The following MEGF9 variants were observed in gnomAD, a reference collection of about 807,000 sequenced individuals.
MEGF9 encodes the protein multiple epidermal growth factor-like domains protein 9.
MEGF9 carries 6 observed loss-of-function variants against 46.8 expected under a neutral mutation model. That is an observed-to-expected ratio of 0.13 (90% CI 0.07 to 0.25). The LOEUF (loss-of-function observed/expected upper bound fraction) is 0.25, where lower values mean the gene tolerates loss of function less well. Ranked by LOEUF, MEGF9 falls within the 10% of genes least tolerant of loss-of-function variation. MEGF9 has a pLI of 1.00. For synonymous variants in MEGF9, 302 were observed against 330.7 expected (o/e 0.91, Z 0.94); for missense variants, 683 against 792.4 (o/e 0.86, Z 1.66).
At chr9:120,613,700 A>G (rs965780379) in intron 3 of MEGF9, among the ~76,000 whole-genome samples, 7 of 152,170 alleles carry the variant, frequency 4.6e-5, no homozygotes, top group African/African-American at 1.7e-4. Flanking sequence ...CAAAATGAGA[A>G]AGTGTAACAT....
intron 2 of MEGF9, among the ~76,000 whole-genome samples, chr9:120,651,849 C>T (rs1188742165): frequency 2.0e-5 from 3 of 151,526 alleles, no homozygotes; most frequent in African/African-American, 7.3e-5. Context: ...GATGGGGTTT[C>T]ACCATGTTGG....
At chr9:120,680,520 G>A (rs754136003) in intron 1 of MEGF9, among the ~76,000 whole-genome samples, 1 of 152,136 alleles carries the variant, frequency 6.6e-6, no homozygotes, top group African/African-American at 2.4e-5. Context: ...AACTGGGGGT[G>A]TGGTAACGCA....
At chr9:120,677,206 G>A (rs138993197) in intron 1 of MEGF9, among the ~76,000 whole-genome samples, 7 of 152,052 alleles carry the variant, frequency 4.6e-5, no homozygotes, top group Non-Finnish European at 8.8e-5. Context: ...ACAGCTCACC[G>A]CAGCCTCAAC....
intron 1 of MEGF9, among the ~76,000 whole-genome samples, chr9:120,699,689 C>T (rs1023386297): frequency 2.0e-4 from 29 of 143,030 alleles, no homozygotes; most frequent in African/African-American, 7.6e-4. Flanking sequence ...CACTACTGCA[C>T]TCTAACCCGG....
intron 1 of MEGF9, among the ~76,000 whole-genome samples, chr9:120,707,849 C>A (rs371789950): frequency 6.6e-6 from 1 of 152,058 alleles, no homozygotes; most frequent in Non-Finnish European, 1.5e-5. Flanking sequence ...TCAAGACCAG[C>A]CTGACCAACA....
At chr9:120,695,938 A>T (rs889873795) in intron 1 of MEGF9, among the ~76,000 whole-genome samples, 41 of 152,312 alleles carry the variant, frequency 2.7e-4, no homozygotes, top group Non-Finnish European at 5.3e-4. Flanking sequence ...AATCAGATGC[A>T]CCTTTACCTG....
In MEGF9 at chr9:120,605,153, G is replaced by A. The variant is rs150442642; in HGVS notation, c.*37C>T. On this transcript the variant is annotated 3_prime_UTR_variant, in exon 6 of 6. Coordinates refer to ENST00000373930, the MANE Select transcript of MEGF9 (RefSeq NM_001080497.3). The surrounding 1 kb of genome is among the most constrained non-coding windows in gnomAD (Gnocchi z 4.0). ...CCAGGGGCTGACTCTGTCTTAGCAA[G>A]CACTGTGGTTTAACAATTCAGAACA... is the stretch of plus-strand genomic sequence containing the variant. The A allele has an allele frequency of 2.9e-5, 46 of 1,566,232 alleles. No individual in the cohort carries two copies. The African/African-American group carries it at 4.9e-4, about 17-fold the overall frequency.
At chr9:120,652,181 C>CACA (rs1430321372) in intron 2 of MEGF9, among the ~76,000 whole-genome samples, 3 of 9,094 alleles carry the variant, frequency 3.3e-4, no homozygotes, top group African/African-American at 8.1e-4. Flanking sequence ...CACACACACA[C>CACA]AAAAAAAAAA....
At chr9:120,674,311 T>C (rs935313603) in intron 1 of MEGF9, among the ~76,000 whole-genome samples, 2 of 152,114 alleles carry the variant, frequency 1.3e-5, no homozygotes, top group East Asian at 1.9e-4. Flanking sequence ...AATAATGCAA[T>C]TTAAAAATGG....
intron 1 of MEGF9, among the ~76,000 whole-genome samples, chr9:120,690,916 A>G (rs1443922426): frequency 2.6e-5 from 4 of 152,202 alleles, no homozygotes; most frequent in African/African-American, 9.6e-5. Context: ...ACATTTAAAA[A>G]GAAATATAAA....
intron 4 of MEGF9, among the ~76,000 whole-genome samples, chr9:120,609,924 G>A (rs1053166856): frequency 1.2e-4 from 19 of 152,090 alleles, no homozygotes; most frequent in Non-Finnish European, 1.5e-4. Flanking sequence ...ATGGCTTTGA[G>A]ATATAATTTA....
intron 1 of MEGF9, among the ~76,000 whole-genome samples, 183 bp from the exon 2 acceptor site, chr9:120,659,758 A>G (rs183263061): frequency 1.3e-5 from 2 of 151,282 alleles, no homozygotes; most frequent in East Asian, 3.9e-4. Flanking sequence ...AAACATATAG[A>G]GTACATAAAT....
At chr9:120,681,181 C>T (rs1406346758) in intron 1 of MEGF9, among the ~76,000 whole-genome samples, 1 of 151,406 alleles carries the variant, frequency 6.6e-6, no homozygotes, top group African/African-American at 2.4e-5. Context: ...CACGGCCCCA[C>T]AGTGTCCTCC....
chr9:120,658,319 A>G (rs1372061088), intron 2 of MEGF9, among the ~76,000 whole-genome samples: 1 of 152,220 alleles, frequency 6.6e-6, no homozygotes, highest in Non-Finnish European at 1.5e-5. Flanking sequence ...ACAATATGAT[A>G]CAATATTCCA....
intron 1 of MEGF9, among the ~76,000 whole-genome samples, chr9:120,698,894 C>T (rs796136845): frequency 2.7e-4 from 41 of 152,242 alleles, no homozygotes; most frequent in African/African-American, 9.6e-4. Context: ...AGCACCTAGG[C>T]CTTTTGGCAA....
intron 2 of MEGF9, among the ~76,000 whole-genome samples, chr9:120,626,167 C>G (rs913819726): frequency 1.8e-4 from 28 of 152,098 alleles, no homozygotes; most frequent in African/African-American, 4.8e-4. Flanking sequence ...GATCAGCTAA[C>G]AATTTAAGAT....
chr9:120,667,558 A>G (rs2043730646), intron 1 of MEGF9, among the ~76,000 whole-genome samples: 1 of 152,238 alleles, frequency 6.6e-6, no homozygotes, highest in Non-Finnish European at 1.5e-5. Flanking sequence ...ATAACTTTCA[A>G]TCTATCTAAT....
chr9:120,714,188 G>C lies in MEGF9; in HGVS notation c.171C>G (p.Pro57=), dbSNP rs2043967671. The change falls in exon 1 of 6, where the codon CCC becomes CCG. Residue 57 remains proline (P), a synonymous_variant. Transcript: ENST00000373930. ...GGTGGCTGGGCTCGCCCCGCAACCC[G>C]GGGCCCGGCGACGCGTCCACCTGCC... The part of the protein sequence containing the change: ...AAGQVDASPG[P]GLRGEPSHPF... 1 of 1,234,878 alleles carries C rather than the reference G, an allele frequency of 8.1e-7. No individual in the cohort carries two copies. The highest frequency in any genetic ancestry group is 1.0e-6 in the Non-Finnish European group (1 of 990,376). The allele number at this position is 1,234,878 out of a possible 1,614,324, so 76.5% of individuals were successfully genotyped here.
chr9:120,714,290 G>A lies in MEGF9; in HGVS notation c.69C>T (p.Cys23=). Residue 23 remains cysteine, a synonymous_variant, in exon 1 of 6, where the codon TGC becomes TGT. Coordinates refer to ENST00000373930, the MANE Select transcript of MEGF9 (RefSeq NM_001080497.3). ...PSLGGLALLC[C]AAAAAAAAVA... is the part of the protein sequence containing the mutation. ...CGGCGGCGGCGGCGGCGGCGGCGGC[G>A]CAGCACAACAGGGCGAGGCCGCCCA... The A allele has an allele frequency of 2.4e-6, 3 of 1,263,222 alleles. No homozygotes were observed. Among genetic ancestry groups the A allele is most frequent in the Non-Finnish European group, 2.0e-6 (2 of 1,005,102 alleles). The allele number at this position is 1,263,222 out of a possible 1,614,324, so 78.3% of individuals were successfully genotyped here.
Sources: gnomAD v4.1 joint callset for allele counts (sites outside exome capture counted in the v4.1 genomes callset) on GRCh38, gnomAD v4.1.1 for gene constraint, Gnocchi (gnomAD v3.1) non-coding constraint, MANE v1.5 for transcripts, NCBI Gene and HGNC (gene_info 2026-07-23, HGNC 2026-07-21) for gene names.